The following USP6NL variants were observed in gnomAD, a reference collection of about 807,000 sequenced individuals.
USP6NL encodes USP6 N-terminal like.
A neutral mutation model predicts 61.9 loss-of-function variants in USP6NL; 26 were observed. The observed-to-expected ratio is 0.42, with a 90% CI of 0.31 to 0.58. The LOEUF is 0.58. Among genes scored for constraint, USP6NL ranks in the 20% least tolerant of loss-of-function variants. The pLI is 0.16. For missense variants in USP6NL, 1,114 were observed against 1,034.3 expected (o/e 1.08, Z -1.06); for synonymous variants, 432 against 390.1 (o/e 1.11, Z -1.27).
At position 11,468,764 on chromosome 10, in the gene USP6NL, A is replaced by C. The variant is rs564230274; in HGVS notation, c.1079-4915T>G. On this transcript the variant is annotated intron_variant, in intron 14 of 14. Coordinates refer to ENST00000609104, the MANE Select transcript of USP6NL (RefSeq NM_014688.5). This position sits in a 1 kb window ranked among gnomAD's most constrained non-coding sequence, Gnocchi z 4.5. ...TTCTGGAATCCTTTAGCCACAGAGG[A>C]GGCACATATCAGTAAAGACTGAGCT... Among the ~76,000 whole-genome samples the C allele has an allele frequency of 1.0e-3, 152 of 152,346 alleles. 2 individuals are homozygous for C. Among genetic ancestry groups the C allele is most frequent in the African/African-American group, 3.4e-3 (143 of 41,566 alleles).
chr10:11,564,452 A>C (rs1837049664), intron 2 of USP6NL: 1 of 152,220 alleles, frequency 6.6e-6, no homozygotes, highest in Admixed American at 6.5e-5. Context: ...ACTATCTGTT[A>C]TCTCACTTAG....
rs1838029138 is a variant in USP6NL at position 11,587,842 on chromosome 10, T to C, written c.4+9789A>G. ...AGAAAATATTTCATTGTCAATTTTT[T>C]CTCAAGACTTTGTAATAAAAGTAAA... On this transcript the variant is annotated intron_variant, in intron 2 of 14. Coordinates refer to ENST00000609104, the MANE Select transcript of USP6NL (RefSeq NM_014688.5). This position sits in a 1 kb window ranked among gnomAD's most constrained non-coding sequence, Gnocchi z 4.5. Among the ~76,000 whole-genome samples, 1 of 152,218 alleles carries C rather than the reference T, an allele frequency of 6.6e-6. No individual in the cohort carries two copies. Among genetic ancestry groups the C allele is most frequent in the Non-Finnish European group, 1.5e-5 (1 of 68,038 alleles).
rs551937906 is a variant in USP6NL at position 11,593,140 on chromosome 10, C to T, written c.4+4491G>A. On this transcript the variant is annotated intron_variant, in intron 2 of 14. Coordinates refer to ENST00000609104, the MANE Select transcript of USP6NL (RefSeq NM_014688.5). The stretch of plus-strand genomic sequence containing the variant: ...GGATTACCCAGCCAGAAGAGAAAAA[C>T]TCTTAGGAAATCTATCACGTAATTA... 5.1e-4 allele frequency among the ~76,000 whole-genome samples: 77 copies of T among 152,338 alleles called. 2 individuals carry two copies. The South Asian group carries it at 0.014, about 28-fold the overall frequency.
rs148334586 is a variant in USP6NL, at chr10:11,589,688, C to T, written c.4+7943G>A. 9.2e-4 allele frequency among the ~76,000 whole-genome samples: 140 copies of T among 152,318 alleles called. 1 individual carries two copies. The highest frequency in any genetic ancestry group is 3.3e-3 in the African/African-American group (138 of 41,572). On this transcript the variant is annotated intron_variant, in intron 2 of 14. Coordinates refer to ENST00000609104, the MANE Select transcript of USP6NL (RefSeq NM_014688.5). This position sits in a 1 kb window ranked among gnomAD's most constrained non-coding sequence, Gnocchi z 4.7. ...CTAAGGCATCCTATAAATTCCATTT[C>T]TATTCCACTCTTCTAACATCTAAAA...
intron 14 of USP6NL, among the ~76,000 whole-genome samples, chr10:11,466,714 G>A (rs987581055): frequency 1.3e-5 from 2 of 152,146 alleles, no homozygotes; most frequent in Non-Finnish European, 2.9e-5. Flanking sequence ...ACATCAGAGT[G>A]CACTAATACA....
rs988382911 is a variant in USP6NL at position 11,499,486 on chromosome 10, C to T, written c.384+1615G>A. Among the ~76,000 whole-genome samples, 7 of 152,202 alleles carry T rather than the reference C, an allele frequency of 4.6e-5. No individual in the cohort carries two copies. Among genetic ancestry groups the T allele is most frequent in the Non-Finnish European group, 8.8e-5 (6 of 68,036 alleles). ...TCCAAAACTCATGTCCACCAAGAAC[C>T]TGTGACTGTGACCTCATCTGGAAAT... On this transcript the variant is annotated intron_variant, in intron 7 of 14. Coordinates refer to ENST00000609104, the MANE Select transcript of USP6NL (RefSeq NM_014688.5). This position sits in a 1 kb window ranked among gnomAD's most constrained non-coding sequence, Gnocchi z 4.5.
intron 2 of USP6NL, among the ~76,000 whole-genome samples, chr10:11,568,219 T>C (rs1165031264): frequency 6.6e-6 from 1 of 151,960 alleles, no homozygotes; most frequent in African/African-American, 2.4e-5. Context: ...TAGGGAGGCA[T>C]TATGAATTGA....
In USP6NL at chr10:11,481,827, G is replaced by T; in HGVS notation, c.1021C>A (p.Gln341Lys). 3 of 1,613,082 alleles carry T rather than the reference G, an allele frequency of 1.9e-6. No individual in the cohort carries two copies. The highest frequency in any genetic ancestry group is 2.5e-6 in the Non-Finnish European group (3 of 1,179,506). ...AGTTCTGTCATAGAAATCTGAAGTT[G>T]CTCTATCACAAAATCATCTTCAAAG... is the stretch of plus-strand genomic sequence containing the variant. ...FFFEDDFVIE[Q>K]LQISMTELKR... The change falls in exon 14 of 15, where the codon CAA becomes AAA. Residue 341 changes from glutamine to lysine, a missense_variant. Physicochemically the swap from Gln to Lys is moderately conservative, Grantham distance 53. Transcript: ENST00000609104. The surrounding 1 kb of genome is among the most constrained non-coding windows in gnomAD (Gnocchi z 4.4).
chr10:11,470,594 C>T lies in USP6NL; in HGVS notation c.1079-6745G>A, dbSNP rs145124031. Among the ~76,000 whole-genome samples, 8 of 152,304 alleles carry T rather than the reference C, an allele frequency of 5.3e-5. No homozygotes were observed. The East Asian group carries it at 1.5e-3, about 29-fold the overall frequency. ...AAAGCATTCAACATTTTGGTGTGAT[C>T]TATTTTCAGAGCTATCTCAGCCTGC... On this transcript the variant is annotated intron_variant, in intron 14 of 14. Coordinates refer to ENST00000609104, the MANE Select transcript of USP6NL (RefSeq NM_014688.5). This position sits in a 1 kb window ranked among gnomAD's most constrained non-coding sequence, Gnocchi z 5.4.
rs34084095 is a variant in USP6NL at position 11,461,271 on chromosome 10, G to GAAAA, written c.*1166_*1169dup. Reference sequence around the variant, plus strand: ...GCCAAGAACTTGAATTTGTTTCAATGAAAAAAAGATGTTCAAAAGCATGAA... The same window carrying GAAAA: ...GCCAAGAACTTGAATTTGTTTCAATGAAAAAAAAAAAGATGTTCAAAAGCATGAA... On this transcript the variant is annotated 3_prime_UTR_variant, in exon 15 of 15. Transcript: ENST00000609104. 50,762 of 151,056 alleles carry GAAAA rather than the reference G, an allele frequency of 0.34. 8,901 individuals are homozygous for GAAAA. The highest frequency in any genetic ancestry group is 0.66 in the East Asian group (3,369 of 5,104). The allele number at this position is 151,056 out of a possible 1,614,324, so 9.4% of individuals were successfully genotyped here. A position where few individuals can be genotyped will look rare whatever the true frequency, so the allele number is the denominator to read the frequency against.
chr10:11,477,434 T>C lies in USP6NL; in HGVS notation c.1078+4336A>G, dbSNP rs74116252. On this transcript the variant is annotated intron_variant, in intron 14 of 14. Transcript: ENST00000609104. ...AAATGAATAGCTTTCTAGGAAAATA[T>C]AAATGACCAAATGACCCACATTGAC... is the stretch of plus-strand genomic sequence containing the variant. Among the ~76,000 whole-genome samples the C allele has an allele frequency of 3.4e-3, 513 of 152,274 alleles. 7 individuals are homozygous for C. Among genetic ancestry groups the C allele is most frequent in the African/African-American group, 0.012 (500 of 41,560 alleles).
rs1472802241 is a variant in USP6NL at position 11,471,606 on chromosome 10, G to A, written c.1079-7757C>T. The stretch of plus-strand genomic sequence containing the variant: ...GTCCAACAATGATAGACTGGATTAA[G>A]AAAATGTGGCACATATACACCACGG... On this transcript the variant is annotated intron_variant, in intron 14 of 14. Transcript: ENST00000609104. 3.3e-5 allele frequency among the ~76,000 whole-genome samples: 5 copies of A among 152,162 alleles called. No individual in the cohort carries two copies. In the East Asian group the frequency reaches 9.6e-4, roughly 29 times the overall value.
chr10:11,492,330 T>C (rs905267983), intron 8 of USP6NL, among the ~76,000 whole-genome samples: 1 of 152,238 alleles, frequency 6.6e-6, no homozygotes, highest in Non-Finnish European at 1.5e-5. Flanking sequence ...AAAACACTGA[T>C]CTAGGTGTCA....
intron 2 of USP6NL, among the ~76,000 whole-genome samples, chr10:11,542,300 T>C (rs753556942): frequency 1.1e-4 from 17 of 152,024 alleles, no homozygotes; most frequent in Non-Finnish European, 2.2e-4. Context: ...AAAGACCAAC[T>C]GTAAATAATG....
intron 2 of USP6NL, among the ~76,000 whole-genome samples, chr10:11,580,633 A>C (rs1048565016): frequency 6.6e-6 from 1 of 152,200 alleles, no homozygotes; most frequent in Admixed American, 6.5e-5. Flanking sequence ...ACCCATCCAC[A>C]GGGACTGTGA....
chr10:11,586,673 T>C (rs1390510257), intron 2 of USP6NL, among the ~76,000 whole-genome samples: 1 of 152,144 alleles, frequency 6.6e-6, no homozygotes, highest in Non-Finnish European at 1.5e-5. Flanking sequence ...TTTCAAAATA[T>C]ATTTATTTTA....
chr10:11,507,035 G>A (rs747818549), intron 6 of USP6NL, among the ~76,000 whole-genome samples: 5 of 152,116 alleles, frequency 3.3e-5, no homozygotes, highest in Admixed American at 6.5e-5. Context: ...TATAGTTATC[G>A]GAGAGTGCTT....
At position 11,532,807 on chromosome 10, in the gene USP6NL, A is replaced by G. The variant is rs901143207; in HGVS notation, c.5-5240T>C. Among the ~76,000 whole-genome samples the G allele has an allele frequency of 3.9e-5, 6 of 152,248 alleles. No homozygotes were observed. Among genetic ancestry groups the G allele is most frequent in the African/African-American group, 1.4e-4 (6 of 41,468 alleles). On this transcript the variant is annotated intron_variant, in intron 2 of 14. Coordinates refer to ENST00000609104, the MANE Select transcript of USP6NL (RefSeq NM_014688.5). This position sits in a 1 kb window ranked among gnomAD's most constrained non-coding sequence, Gnocchi z 4.1. ...GCCTCTGTTTCAGCCCGTTTCAGACAGGAAGCAAAATACATGCTAAAGTAG... is the reference window on the plus strand; with the variant it reads ...GCCTCTGTTTCAGCCCGTTTCAGACGGGAAGCAAAATACATGCTAAAGTAG...
rs1293274881 is a variant in USP6NL, at chr10:11,495,077, G to C, written c.385-1849C>G. 6.6e-6 allele frequency among the ~76,000 whole-genome samples: 1 copy of C among 152,214 alleles called. No homozygotes were observed. The highest frequency in any genetic ancestry group is 6.5e-5 in the Admixed American group (1 of 15,288). On this transcript the variant is annotated intron_variant, in intron 7 of 14. Transcript: ENST00000609104. The surrounding 1 kb of genome is among the most constrained non-coding windows in gnomAD (Gnocchi z 4.6). ...GCTACTGCTAGACCTCGGTCCGCCT[G>C]GCAACGGGCGTCTTCCCAGATGCTG...
Sources: gnomAD v4.1 joint callset for allele counts (sites outside exome capture counted in the v4.1 genomes callset) on GRCh38, gnomAD v4.1.1 for gene constraint, Gnocchi (gnomAD v3.1) non-coding constraint, MANE v1.5 for transcripts, NCBI Gene and HGNC (gene_info 2026-07-23, HGNC 2026-07-21) for gene names.